The following NOTCH1 variants were observed in gnomAD, a reference collection of about 807,000 sequenced individuals.
The protein encoded by NOTCH1 is notch receptor 1, also known as neurogenic locus notch homolog protein 1.
In NOTCH1, 37 loss-of-function variants were observed where a neutral mutation model predicts 254.8. That is an observed-to-expected ratio of 0.15 (90% CI 0.11 to 0.19). The LOEUF is 0.19. Ranked by LOEUF, NOTCH1 falls within the 10% of genes least tolerant of loss-of-function variation. NOTCH1 has a pLI of 1.00. For missense variants in NOTCH1, 2,972 were observed against 3,708.6 expected (o/e 0.80, Z 5.16); for synonymous variants, 1,731 against 1,618.1 (o/e 1.07, Z -1.68).
At chr9:136,534,783 C>T (rs1843616318) in intron 2 of NOTCH1, among the ~76,000 whole-genome samples, 2 of 151,856 alleles carry the variant, frequency 1.3e-5, no homozygotes, top group South Asian at 4.1e-4. Context: ...ATGTCAGAGG[C>T]AAAGCCTCCC....
intron 2 of NOTCH1, among the ~76,000 whole-genome samples, chr9:136,534,271 A>C (rs533988373): frequency 4.3e-4 from 66 of 152,308 alleles, no homozygotes; most frequent in African/African-American, 1.5e-3. Flanking sequence ...TGTTCAGCAA[A>C]TTGACAGTGT....
chr9:136,521,323 G>A (rs1843363470), intron 4 of NOTCH1, among the ~76,000 whole-genome samples: 1 of 152,100 alleles, frequency 6.6e-6, no homozygotes, highest in Admixed American at 6.5e-5. Flanking sequence ...ACACTCAAGT[G>A]AGTGAACCCC....
Position 136,504,701 on chromosome 9 carries a change from TCCG to T in NOTCH1, c.4987_4989del (p.Arg1664del). 6.5e-7 allele frequency: 1 copy of T among 1,534,210 alleles called. No homozygotes were observed. The highest frequency in any genetic ancestry group is 8.8e-7 in the Non-Finnish European group (1 of 1,138,874). ...CGGACGTCCATGGGGTCCAGCTCCCTCCGCCGCCGCCCACCCTCGCTGCCACCA... is the reference window on the plus strand; with the variant it reads ...CGGACGTCCATGGGGTCCAGCTCCCTCCGCCGCCCACCCTCGCTGCCACCA... On this transcript the variant is annotated inframe_deletion, in exon 26 of 34. Coordinates refer to ENST00000651671, the MANE Select transcript of NOTCH1 (RefSeq NM_017617.5).
rs1222419169 is a variant in NOTCH1, at chr9:136,522,595, C to T, written c.742+255G>A. 10 of 514,290 alleles carry T rather than the reference C, an allele frequency of 1.9e-5. 1 individual carries two copies. The highest frequency in any genetic ancestry group is 5.0e-4 in the Middle Eastern group (1 of 1,998). 31.9% of individuals were successfully genotyped at this position (514,290 alleles called of 1,614,324 possible). On this transcript the variant is annotated intron_variant, in intron 4 of 33. Transcript: ENST00000651671. ...GGGGGAGGCAGGGCGTCCTACAGCT[C>T]GAATGTGAGTTCCGGGAAACTCCAG...
intron 17 of NOTCH1, 118 bp from the exon 18 acceptor site, chr9:136,510,079 A>G (rs1843154827): frequency 1.1e-6 from 1 of 949,370 alleles, no homozygotes; most frequent in African/African-American, 1.6e-5. Context: ...AGGCTGCGGC[A>G]AGCAGCCCTG....
intron 2 of NOTCH1, among the ~76,000 whole-genome samples, chr9:136,539,862 AGGCC>A (rs1843706678): frequency 6.6e-6 from 1 of 152,006 alleles, no homozygotes; most frequent in Admixed American, 6.6e-5. Flanking sequence ...CCAGCCTCCC[AGGCC>A]GGCTGCAGGG....
At chr9:136,519,649 C>T (rs775611082) in intron 4 of NOTCH1, 84 bp from the exon 5 acceptor site, 12 of 1,604,838 alleles carry the variant, frequency 7.5e-6, no homozygotes, top group Non-Finnish European at 1.0e-5. Flanking sequence ...GCTCTGGACA[C>T]AAGAGCCTGG....
At chr9:136,534,374 G>A (rs760911830) in intron 2 of NOTCH1, among the ~76,000 whole-genome samples, 2 of 152,202 alleles carry the variant, frequency 1.3e-5, no homozygotes, top group Non-Finnish European at 2.9e-5. Flanking sequence ...AGGGGACTGC[G>A]TAGACAGGGT....
intron 2 of NOTCH1, among the ~76,000 whole-genome samples, chr9:136,536,907 C>A (rs1302581019): frequency 6.6e-6 from 1 of 152,254 alleles, no homozygotes; most frequent in African/African-American, 2.4e-5. Flanking sequence ...TCTTACAGCA[C>A]CAGGCGTGTG....
In NOTCH1 at chr9:136,506,538, T is replaced by G; in HGVS notation, c.4003A>C (p.Lys1335Gln). 1 of 1,603,046 alleles carries G rather than the reference T, an allele frequency of 6.2e-7. No individual in the cohort carries two copies. Among genetic ancestry groups the G allele is most frequent in the Non-Finnish European group, 8.5e-7 (1 of 1,176,282 alleles). The change falls in exon 24 of 34, where the codon AAG becomes CAG. Residue 1335 changes from lysine to glutamine, a missense_variant. Coordinates refer to ENST00000651671, the MANE Select transcript of NOTCH1 (RefSeq NM_017617.5). The surrounding 1 kb of genome is among the most constrained non-coding windows in gnomAD (Gnocchi z 4.5). ...ASNTARGFICKCPAGFEGATC... is the reference protein window; with the variant it reads ...ASNTARGFICQCPAGFEGATC... ...ACCCCTGCACCTACCGCAGGGCACT[T>G]GCAGATGAACCCGCGGGCGGTGTTG...
At chr9:136,542,984 C>T (rs1843754578) in intron 2 of NOTCH1, 1 of 153,382 alleles carries the variant, frequency 6.5e-6, no homozygotes, top group Non-Finnish European at 1.5e-5. Context: ...CCGGCCCCCT[C>T]AGTGCCCATT....
At position 136,513,155 on chromosome 9, in the gene NOTCH1, C is replaced by T; in HGVS notation, c.2354-21G>A. On this transcript the variant is annotated intron_variant, in intron 14 of 33. Transcript: ENST00000651671. This position sits in a 1 kb window ranked among gnomAD's most constrained non-coding sequence, Gnocchi z 4.7. ...GGGACCTGGAGGGAAGGGGACAGCA[C>T]TCGGCATGTCCAGCACTCCCAGGCA... The T allele has an allele frequency of 1.3e-6, 2 of 1,594,254 alleles. No individual in the cohort carries two copies. The highest frequency in any genetic ancestry group is 1.7e-6 in the Non-Finnish European group (2 of 1,163,084).
intron 2 of NOTCH1, among the ~76,000 whole-genome samples, chr9:136,531,085 T>C (rs930334606): frequency 6.6e-6 from 1 of 152,192 alleles, no homozygotes; most frequent in Admixed American, 6.5e-5. Flanking sequence ...GCTGACTCCA[T>C]GTCCAGCGTC....
At chr9:136,517,967 T>A in intron 7 of NOTCH1, 30 bp from the exon 8 acceptor site, 1 of 1,603,522 alleles carries the variant, frequency 6.2e-7, no homozygotes, top group Non-Finnish European at 8.5e-7. Context: ...GAGAGGCTGC[T>A]CCAGGCACCC....
In NOTCH1 at chr9:136,517,943, G is replaced by A. The variant is rs761731259; in HGVS notation, c.1256-6C>T. ...ATGCTCGCAGGGGTTGGCACCTGGC[G>A]AGGGCACACGGGTGAGAGGCTGCTC... On this transcript the variant is annotated splice_polypyrimidine_tract_variant and splice_region_variant and intron_variant, in intron 7 of 33. Transcript: ENST00000651671. 7 of 1,608,384 alleles carry A rather than the reference G, an allele frequency of 4.4e-6. No individual in the cohort carries two copies. Among genetic ancestry groups the A allele is most frequent in the East Asian group, 2.2e-5 (1 of 44,874 alleles).
intron 1 of NOTCH1, 31 bp from the exon 2 acceptor site, chr9:136,544,133 C>G: frequency 1.3e-6 from 2 of 1,543,532 alleles, no homozygotes; most frequent in Non-Finnish European, 1.8e-6. Flanking sequence ...AGAGGTCAGT[C>G]TCACCCGCAC....
chr9:136,529,464 G>A lies in NOTCH1; in HGVS notation c.141-5485C>T, dbSNP rs1843524458. ...GCACCGGCTGCTAAGAAATGAGCTG[G>A]GCAGGGGGCTCGGGGTCCCACCTCG... On this transcript the variant is annotated intron_variant, in intron 2 of 33. Transcript: ENST00000651671. Among the ~76,000 whole-genome samples, 6 of 152,232 alleles carry A rather than the reference G, an allele frequency of 3.9e-5. No homozygotes were observed. The South Asian group carries it at 1.2e-3, about 31-fold the overall frequency.
chr9:136,502,516 G>A, intron 27 of NOTCH1, 28 bp from the exon 28 acceptor site: 1 of 1,451,680 alleles, frequency 6.9e-7, no homozygotes, highest in Non-Finnish European at 9.1e-7. Context: ...AGGGGCAGGT[G>A]CCCGGACATC....
At chr9:136,500,888 C>G (rs1157899446) in intron 30 of NOTCH1, 41 bp from the exon 31 acceptor site, 1 of 1,541,926 alleles carries the variant, frequency 6.5e-7, no homozygotes, top group African/African-American at 1.4e-5. Flanking sequence ...GAGGGCCGGT[C>G]CCCAGCTGCA....
Sources: gnomAD v4.1 joint callset for allele counts (sites outside exome capture counted in the v4.1 genomes callset) on GRCh38, gnomAD v4.1.1 for gene constraint, Gnocchi (gnomAD v3.1) non-coding constraint, MANE v1.5 for transcripts, NCBI Gene and HGNC (gene_info 2026-07-23, HGNC 2026-07-21) for gene names.